DPP8: variants seen among roughly 807,000 people sequenced by gnomAD.
DPP8 encodes DPP VIII.
A neutral mutation model predicts 107.5 loss-of-function variants in DPP8; 31 were observed. The observed-to-expected ratio is 0.29, with a 90% CI of 0.22 to 0.39. The LOEUF is 0.39. Ranked by LOEUF, DPP8 falls within the 10% of genes least tolerant of loss-of-function variation. DPP8 has a pLI of 1.00. For missense variants in DPP8, 842 were observed against 1,076.1 expected (o/e 0.78, Z 3.04); for synonymous variants, 381 against 356.6 (o/e 1.07, Z -0.77).
intron 12 of DPP8, among the ~76,000 whole-genome samples, chr15:65,469,983 C>A (rs139244239): frequency 1.6e-3 from 245 of 151,246 alleles, no homozygotes; most frequent in Middle Eastern, 3.4e-3. Context: ...GATTGCCTGA[C>A]GTCAGGAGTT....
chr15:65,484,699 C>G, intron 8 of DPP8, among the ~76,000 whole-genome samples: 1 of 150,448 alleles, frequency 6.6e-6, no homozygotes, highest in South Asian at 2.1e-4. Context: ...ACTTTTTTAC[C>G]TAGTCTTGTG....
Position 65,446,952 on chromosome 15 carries a change from C to A in DPP8, c.2581G>T (p.Glu861Ter). The A allele has an allele frequency of 1.2e-6, 2 of 1,611,780 alleles. No homozygotes were observed. Among genetic ancestry groups the A allele is most frequent in the Non-Finnish European group, 8.5e-7 (1 of 1,178,788 alleles). The change falls in exon 20 of 20, where the codon GAA (glutamate) becomes TAA (stop). Residue 861 changes from glutamate (E) to a stop codon, truncating the protein, a stop_gained. Transcript: ENST00000300141. LOFTEE classifies it high-confidence loss of function. ...IRVPESGEHY[E>*]LHLLHYLQEN... ...TGAAGGTAGTGCAAAAGATGCAGTT[C>A]ATAATGTTCTCCCGATTCAGGAACT...
intron 1 of DPP8, among the ~76,000 whole-genome samples, chr15:65,514,200 AC>A (rs2071156555): frequency 1.3e-5 from 2 of 152,238 alleles, no homozygotes; most frequent in Non-Finnish European, 2.9e-5. Context: ...TTTTCATGCT[AC>A]AGTTACCTAT....
At chr15:65,491,663 T>A (rs2140911116) in intron 5 of DPP8, among the ~76,000 whole-genome samples, 1 of 152,364 alleles carries the variant, frequency 6.6e-6, no homozygotes, top group Middle Eastern at 3.4e-3. Flanking sequence ...TTCCATTGCA[T>A]ACCATAGTTC....
intron 14 of DPP8, among the ~76,000 whole-genome samples, chr15:65,464,169 C>G (rs1370456619): frequency 6.6e-6 from 1 of 152,028 alleles, no homozygotes; most frequent in African/African-American, 2.4e-5. Context: ...TGAGACCATC[C>G]TGGCTAACAC....
At chr15:65,452,460 T>C (rs1231993719) in intron 17 of DPP8, among the ~76,000 whole-genome samples, 1 of 152,168 alleles carries the variant, frequency 6.6e-6, no homozygotes, top group Non-Finnish European at 1.5e-5. Flanking sequence ...ACCTTTTTTT[T>C]TTAAGCCTCT....
At chr15:65,482,134 G>T (rs1034836432) in intron 8 of DPP8, among the ~76,000 whole-genome samples, 11 of 152,080 alleles carry the variant, frequency 7.2e-5, no homozygotes, top group African/African-American at 2.7e-4. Flanking sequence ...TCAGGCTCAA[G>T]TGATCCTCCT....
At chr15:65,498,121 G>A in intron 4 of DPP8, 89 bp from the exon 5 acceptor site, 3 of 1,063,142 alleles carry the variant, frequency 2.8e-6, no homozygotes, top group Non-Finnish European at 3.9e-6. Context: ...AATATTTCTA[G>A]GTAAAATGTC....
intron 7 of DPP8, 126 bp from the exon 8 acceptor site, chr15:65,485,286 G>GT: frequency 3.0e-6 from 2 of 668,774 alleles, no homozygotes; most frequent in Non-Finnish European, 5.2e-6. Context: ...GCTCACGCCT[G>GT]TAATCCCAGC....
At chr15:65,452,395 C>G (rs1239382352) in intron 17 of DPP8, among the ~76,000 whole-genome samples, 1 of 152,024 alleles carries the variant, frequency 6.6e-6, no homozygotes, top group African/African-American at 2.4e-5. Flanking sequence ...GAACTATATC[C>G]TGCTACTGAG....
rs975730130 is a variant in DPP8 at position 65,450,988 on chromosome 15, G to C, written c.2526+11C>G. ...TGACTGCATTTAACTAGAAAATGTA[G>C]AGTAACTCACCTGTAAATCATATGG... On this transcript the variant is annotated intron_variant, in intron 19 of 19. Transcript: ENST00000300141. 1 of 1,455,346 alleles carries C rather than the reference G, an allele frequency of 6.9e-7. No homozygotes were observed. Among genetic ancestry groups the C allele is most frequent in the Non-Finnish European group, 9.6e-7 (1 of 1,040,464 alleles). 90.2% of individuals were successfully genotyped at this position (1,455,346 alleles called of 1,614,324 possible). A position where few individuals can be genotyped will look rare whatever the true frequency, so the allele number is the denominator to read the frequency against.
rs540477994 is a variant in DPP8, at chr15:65,514,504, T to C, written c.-11-1940A>G. ...ATGTCAACGGAACCAGTTTTGTTGTTGTTGCTGTTTTTGTTTTGTTTTGAG... is the reference window on the plus strand; with the variant it reads ...ATGTCAACGGAACCAGTTTTGTTGTCGTTGCTGTTTTTGTTTTGTTTTGAG... On this transcript the variant is annotated intron_variant, in intron 1 of 19. Transcript: ENST00000300141. Among the ~76,000 whole-genome samples, 6 of 152,290 alleles carry C rather than the reference T, an allele frequency of 3.9e-5. No individual in the cohort carries two copies. The East Asian group carries it at 1.2e-3, about 29-fold the overall frequency.
chr15:65,445,722 T>A lies in DPP8; in HGVS notation c.*1162A>T, dbSNP rs1464852039. The A allele has an allele frequency of 6.5e-6, 1 of 153,150 alleles. No individual in the cohort carries two copies. The highest frequency in any genetic ancestry group is 1.9e-4 in the East Asian group (1 of 5,206). 9.5% of individuals were successfully genotyped at this position (153,150 alleles called of 1,614,324 possible). A position where few individuals can be genotyped will look rare whatever the true frequency, so the allele number is the denominator to read the frequency against. On this transcript the variant is annotated 3_prime_UTR_variant, in exon 20 of 20. Transcript: ENST00000300141. The stretch of plus-strand genomic sequence containing the variant: ...CTAAGAGGAAAAAAAAAAAGAATTA[T>A]AAAAGTAACTCTAAGGAACTTTTCC...
chr15:65,505,766 A>C (rs2069888695), intron 3 of DPP8, among the ~76,000 whole-genome samples: 2 of 151,872 alleles, frequency 1.3e-5, no homozygotes, highest in African/African-American at 4.8e-5. Context: ...CCTGGGTGAC[A>C]TGATGAAACC....
chr15:65,462,381 CT>C (rs1450498709), intron 15 of DPP8, among the ~76,000 whole-genome samples: 3 of 152,066 alleles, frequency 2.0e-5, no homozygotes, highest in Non-Finnish European at 4.4e-5. Flanking sequence ...AGTTATTTTA[CT>C]TTTTTTGTGT....
At chr15:65,503,823 C>T (rs1323609190) in intron 3 of DPP8, among the ~76,000 whole-genome samples, 3 of 151,914 alleles carry the variant, frequency 2.0e-5, no homozygotes, top group Admixed American at 6.6e-5. Context: ...TGGGGTTTCA[C>T]CATGTTGGCC....
At chr15:65,475,367 GA>G in intron 11 of DPP8, 1 of 1,412,688 alleles carries the variant, frequency 7.1e-7, no homozygotes, top group Admixed American at 1.7e-5. Context: ...GGCTTTGGAG[GA>G]ACAGGAGAAC....
intron 4 of DPP8, 95 bp downstream of exon 4, chr15:65,500,510 GA>G (rs1316520537): frequency 9.0e-6 from 8 of 891,866 alleles, no homozygotes; most frequent in Non-Finnish European, 1.4e-5. Context: ...TGGGTAAACT[GA>G]AGTTGCTGGT....
chr15:65,496,327 G>A (rs995122390), intron 5 of DPP8, among the ~76,000 whole-genome samples: 1 of 151,922 alleles, frequency 6.6e-6, no homozygotes, highest in Non-Finnish European at 1.5e-5. Context: ...AGGGGATAAT[G>A]ATTAAGAAAG....
Sources: gnomAD v4.1 joint callset for allele counts (sites outside exome capture counted in the v4.1 genomes callset) on GRCh38, gnomAD v4.1.1 for gene constraint, MANE v1.5 for transcripts, NCBI Gene and HGNC (gene_info 2026-07-23, HGNC 2026-07-21) for gene names.